The following RASSF2 variants were observed in gnomAD, a reference collection of about 807,000 sequenced individuals.
The protein encoded by RASSF2 is ras association domain-containing protein 2.
In RASSF2, 34 loss-of-function variants were observed where a neutral mutation model predicts 46.3. The observed-to-expected ratio is 0.73, with a 90% CI of 0.56 to 0.98. RASSF2 has a LOEUF of 0.98. RASSF2 is among the 50% of genes least tolerant of loss of function. RASSF2 has a pLI of 0.00. For synonymous variants in RASSF2, 158 were observed against 162.5 expected (o/e 0.97, Z 0.21); for missense variants, 364 against 431.2 (o/e 0.84, Z 1.38).
In RASSF2 at chr20:4,790,491, C is replaced by A; in HGVS notation, c.497G>T (p.Arg166Leu). ...ATGGCCGTTGATGGAGAAGCGGTGG[C>A]GTCTGATTCGCCGCTGGTCACTAGG... is the stretch of plus-strand genomic sequence containing the variant. ...RTPSDQRRIR[R>L]HRFSINGHFY... is the part of the protein sequence containing the mutation. Residue 166 changes from arginine (R) to leucine (L), a missense_variant, in exon 7 of 12, where the codon CGC becomes CTC. Transcript: ENST00000379400. This position sits in a 1 kb window ranked among gnomAD's most constrained non-coding sequence, Gnocchi z 4.3. 1 of 1,512,240 alleles carries A rather than the reference C, an allele frequency of 6.6e-7. No homozygotes were observed. The highest frequency in any genetic ancestry group is 2.5e-5 in the Admixed American group (1 of 40,662). 93.7% of individuals were successfully genotyped at this position (1,512,240 alleles called of 1,614,324 possible).
At chr20:4,787,832 G>GGACTAGT in intron 9 of RASSF2, 78 bp from the exon 10 acceptor site, 1 of 1,592,864 alleles carries the variant, frequency 6.3e-7, no homozygotes, top group Non-Finnish European at 8.6e-7. Context: ...GGGTCCAAAG[G>GGACTAGT]CACCTTAGGA....
Position 4,780,348 on chromosome 20 carries a change from C to G in RASSF2, c.*3925G>C, listed in dbSNP as rs1924682295. The stretch of plus-strand genomic sequence containing the variant: ...GACTCCAAAGGTAAACTGAGGGTTT[C>G]CCACCACAGCTTGTGCATCTTGTGC... On this transcript the variant is annotated 3_prime_UTR_variant, in exon 12 of 12. Transcript: ENST00000379400. 6.6e-6 allele frequency: 1 copy of G among 152,186 alleles called. No homozygotes were observed. Among genetic ancestry groups the G allele is most frequent in the African/African-American group, 2.4e-5 (1 of 41,442 alleles). The allele number at this position is 152,186 out of a possible 1,614,324, so 9.4% of individuals were successfully genotyped here.
At chr20:4,815,549 A>T (rs567613952) in intron 2 of RASSF2, among the ~76,000 whole-genome samples, 1 of 152,306 alleles carries the variant, frequency 6.6e-6, no homozygotes, top group South Asian at 2.1e-4. Flanking sequence ...CACACAAAGG[A>T]TGCTTGAAAT....
rs1926268193 is a variant in RASSF2, at chr20:4,795,583, A to T, written c.287+232T>A. 4.6e-6 allele frequency: 2 copies of T among 431,006 alleles called. No homozygotes were observed. The highest frequency in any genetic ancestry group is 8.2e-6 in the Non-Finnish European group (2 of 243,226). 26.7% of individuals were successfully genotyped at this position (431,006 alleles called of 1,614,324 possible). ...AGCAGCTCCCCTCGTATGACTCAGC[A>T]GCTCCCCTCCTGTGACCTCATCAGT... On this transcript the variant is annotated intron_variant, in intron 5 of 11. Transcript: ENST00000379400. This position sits in a 1 kb window ranked among gnomAD's most constrained non-coding sequence, Gnocchi z 4.0.
intron 10 of RASSF2, 69 bp from the exon 11 acceptor site, chr20:4,786,397 C>T: frequency 7.6e-7 from 1 of 1,310,062 alleles, no homozygotes; most frequent in Non-Finnish European, 1.1e-6. Flanking sequence ...TCAGGGTTGT[C>T]CTTATACAAG....
Position 4,786,211 on chromosome 20 carries a change from G to A in RASSF2, c.911+20C>T, listed in dbSNP as rs760453960. 5.7e-6 allele frequency: 9 copies of A among 1,574,430 alleles called. No individual in the cohort carries two copies. The highest frequency in any genetic ancestry group is 1.4e-5 in the African/African-American group (1 of 73,914). The stretch of plus-strand genomic sequence containing the variant: ...AGGCCCCAGGAGAAGTGCACCCAGT[G>A]CCCCAGAAGCCACACTTACTTGCGC... On this transcript the variant is annotated intron_variant, in intron 11 of 11. Coordinates refer to ENST00000379400, the MANE Select transcript of RASSF2 (RefSeq NM_014737.3).
chr20:4,807,840 G>A (rs1041254027), intron 2 of RASSF2, among the ~76,000 whole-genome samples: 13 of 152,202 alleles, frequency 8.5e-5, no homozygotes, highest in Admixed American at 5.2e-4. Flanking sequence ...ATTACAGGTA[G>A]GTGATTCTAG....
chr20:4,798,575 A>T (rs1275876389), intron 3 of RASSF2, among the ~76,000 whole-genome samples: 1 of 152,144 alleles, frequency 6.6e-6, no homozygotes, highest in African/African-American at 2.4e-5. Context: ...CTGTAATCCC[A>T]GTACTTTGGG....
intron 2 of RASSF2, among the ~76,000 whole-genome samples, chr20:4,802,581 A>G (rs1187131569): frequency 2.0e-5 from 3 of 152,174 alleles, no homozygotes; most frequent in Admixed American, 1.3e-4. Flanking sequence ...GAAAAATACC[A>G]TATGATTCCA....
At chr20:4,788,108 G>A (rs1925528274) in intron 9 of RASSF2, 109 bp downstream of exon 9, 2 of 1,103,114 alleles carry the variant, frequency 1.8e-6, no homozygotes, top group Non-Finnish European at 2.7e-6. Flanking sequence ...AACAACATTT[G>A]GAAGTTTCCA....
intron 11 of RASSF2, 103 bp downstream of exon 11, chr20:4,786,128 G>A: frequency 2.1e-6 from 2 of 934,474 alleles, no homozygotes; most frequent in Non-Finnish European, 3.4e-6. Context: ...CCGAGACTCA[G>A]GCCCATGCAG....
chr20:4,808,087 T>G (rs571367632), intron 2 of RASSF2, among the ~76,000 whole-genome samples: 4 of 152,242 alleles, frequency 2.6e-5, no homozygotes, highest in Non-Finnish European at 5.9e-5. Context: ...GAAGACGGTT[T>G]GTGGAACAGG....
rs149341930 is a variant in RASSF2 at position 4,781,681 on chromosome 20, C to T, written c.*2592G>A. 4 of 152,328 alleles carry T rather than the reference C, an allele frequency of 2.6e-5. No individual in the cohort carries two copies. The highest frequency in any genetic ancestry group is 9.6e-5 in the African/African-American group (4 of 41,558). The allele number at this position is 152,328 out of a possible 1,614,324, so 9.4% of individuals were successfully genotyped here. ...CACTTGATCACCTTGTAACATAAGC[C>T]CCTCCCGGGGTGGGGGTGGTGGGGA... On this transcript the variant is annotated 3_prime_UTR_variant, in exon 12 of 12. Coordinates refer to ENST00000379400, the MANE Select transcript of RASSF2 (RefSeq NM_014737.3).
At chr20:4,809,503 C>A (rs2423022) in intron 2 of RASSF2, among the ~76,000 whole-genome samples, 55,697 of 151,852 alleles carry the variant, frequency 0.37, 10,527 homozygotes, top group Admixed American at 0.48. Context: ...CACAGAAGTC[C>A]CCTGCTGGTG....
At position 4,795,820 on chromosome 20, in the gene RASSF2, AGCCCCCAG is replaced by A; in HGVS notation, c.274_281del (p.Leu92SerfsTer25). The A allele has an allele frequency of 6.2e-7, 1 of 1,609,954 alleles. No individual in the cohort carries two copies. ...CCCCGTCTCTCCTCACTCACCCCTG[AGCCCCCAG>A]GTTACAGCCAGAGTGCCAGGAGGAG... On this transcript the variant is annotated frameshift_variant, in exon 5 of 12. Transcript: ENST00000379400. LOFTEE classifies it high-confidence loss of function. This position sits in a 1 kb window ranked among gnomAD's most constrained non-coding sequence, Gnocchi z 4.0.
intron 3 of RASSF2, among the ~76,000 whole-genome samples, 198 bp downstream of exon 3, chr20:4,800,774 G>A (rs529740232): frequency 2.5e-4 from 38 of 152,086 alleles, no homozygotes; most frequent in African/African-American, 8.0e-4. Context: ...CCAGGCTCTC[G>A]GGACATGTTT....
rs1925057183 is a variant in RASSF2, at chr20:4,784,002, G to C, written c.*271C>G. 17 of 473,330 alleles carry C rather than the reference G, an allele frequency of 3.6e-5. 1 individual carries two copies. In the South Asian group the frequency reaches 4.5e-4, roughly 13 times the overall value. The allele number at this position is 473,330 out of a possible 1,614,324, so 29.3% of individuals were successfully genotyped here. On this transcript the variant is annotated 3_prime_UTR_variant, in exon 12 of 12. Coordinates refer to ENST00000379400, the MANE Select transcript of RASSF2 (RefSeq NM_014737.3). ...AGGTAGGCACATGGACACGTACCAT[G>C]TGTGCACACACATGTACACACACAC...
chr20:4,786,546 C>A (rs988925007), intron 10 of RASSF2, among the ~76,000 whole-genome samples: 2 of 152,204 alleles, frequency 1.3e-5, no homozygotes, highest in African/African-American at 4.8e-5. Flanking sequence ...CATAACTTCT[C>A]ATTTTTCATG....
chr20:4,816,287 C>T (rs2122684099), intron 2 of RASSF2, among the ~76,000 whole-genome samples: 1 of 152,206 alleles, frequency 6.6e-6, no homozygotes, highest in South Asian at 2.1e-4. Context: ...GCCAGGGCAA[C>T]AGAGTGAGAC....
Sources: allele counts gnomAD v4.1 joint callset (sites outside exome capture counted in the v4.1 genomes callset), GRCh38; gene constraint gnomAD v4.1.1; non-coding constraint Gnocchi (gnomAD v3.1); transcripts MANE v1.5; gene names NCBI Gene and HGNC (gene_info 2026-07-23, HGNC 2026-07-21).